Variants in TRIM37 observed in about 807,000 individuals in gnomAD.
TRIM37 encodes E3 ubiquitin-protein ligase TRIM37.
A neutral mutation model predicts 129.8 loss-of-function variants in TRIM37; 80 were observed. The observed-to-expected ratio is 0.62, with a 90% CI of 0.51 to 0.74. TRIM37 has a LOEUF of 0.74. Among genes scored for constraint, TRIM37 ranks in the 30% least tolerant of loss-of-function variants. The probability of loss-of-function intolerance (pLI) is 0.00; values close to 1 mark genes in which losing one functional copy is unlikely to be tolerated. For missense variants in TRIM37, 1,054 were observed against 1,176.5 expected, an observed-to-expected ratio of 0.90 and a Z score of 1.52; for synonymous variants, 389 against 387.1, an observed-to-expected ratio of 1.00 and a Z score of -0.06.
intron 19 of TRIM37, among the ~76,000 whole-genome samples, chr17:59,025,244 A>G (rs943287892): frequency 1.3e-5 from 2 of 152,154 alleles, no homozygotes; most frequent in Non-Finnish European, 2.9e-5. Context: ...TTAACTTTAT[A>G]TGAATTAATG....
chr17:58,982,923 T>TAAGAAAAC, intron 24 of TRIM37: 1 of 1,576,860 alleles, frequency 6.3e-7, no homozygotes, highest in South Asian at 1.2e-5. Flanking sequence ...TCAAATTATC[T>TAAGAAAAC]AAGAAAACAA....
intron 14 of TRIM37, among the ~76,000 whole-genome samples, chr17:59,049,749 C>T (rs1381764018): frequency 2.0e-5 from 3 of 152,106 alleles, no homozygotes; most frequent in African/African-American, 4.8e-5. Flanking sequence ...CCTCTGGCCT[C>T]GGCCTCCCAA....
intron 16 of TRIM37, among the ~76,000 whole-genome samples, chr17:59,042,446 AAAAATATATATAT>A (rs1568066195): frequency 3.4e-4 from 15 of 44,744 alleles, no homozygotes; most frequent in Non-Finnish European, 4.3e-4. Context: ...AAAAAAAAAA[AAAAATATATATAT>A]ATATATATAT....
intron 24 of TRIM37, chr17:58,984,427 TG>T (rs1369913852): frequency 2.6e-5 from 4 of 152,800 alleles, no homozygotes; most frequent in African/African-American, 9.6e-5. Flanking sequence ...GATAAGGCTT[TG>T]TGGGAAAATG....
At chr17:59,098,618 T>C (rs1044556714) in intron 2 of TRIM37, among the ~76,000 whole-genome samples, 3 of 151,164 alleles carry the variant, frequency 2.0e-5, no homozygotes, top group Admixed American at 6.6e-5. Flanking sequence ...TGAGCCATGA[T>C]TGTGTCACTG....
the TRIM37 span, chr17:58,969,453 G>A: frequency 4.6e-6 from 6 of 1,290,478 alleles, no homozygotes; most frequent in Non-Finnish European, 6.8e-6. Flanking sequence ...GAGGAGAAAG[G>A]ATGGGCAACA....
At chr17:59,081,633 G>A (rs956679965) in intron 5 of TRIM37, among the ~76,000 whole-genome samples, 3 of 151,924 alleles carry the variant, frequency 2.0e-5, no homozygotes, top group Non-Finnish European at 4.4e-5. Flanking sequence ...ATTAGCCAGG[G>A]GTGGTGGCTC....
chr17:58,967,218 TA>T, the TRIM37 span, among the ~76,000 whole-genome samples: 1 of 152,346 alleles, frequency 6.6e-6, no homozygotes, highest in Non-Finnish European at 1.5e-5. Flanking sequence ...ATTTCACTTT[TA>T]ATTCTTTATT....
At chr17:59,106,373 A>C (rs1211981301) in intron 1 of TRIM37, 68 bp downstream of exon 1, 8 of 1,599,186 alleles carry the variant, frequency 5.0e-6, no homozygotes, top group Non-Finnish European at 6.8e-6. Context: ...CATGGGCACG[A>C]CTCCCCGAAT....
chr17:59,082,095 C>T (rs1212008991), intron 5 of TRIM37, among the ~76,000 whole-genome samples: 2 of 151,074 alleles, frequency 1.3e-5, no homozygotes, highest in Non-Finnish European at 3.0e-5. Flanking sequence ...CATGGTGAAA[C>T]CCCATCTCTA....
chr17:59,075,862 A>C, intron 7 of TRIM37, 148 bp from the exon 8 acceptor site: 1 of 666,638 alleles, frequency 1.5e-6, no homozygotes, highest in South Asian at 1.7e-5. Flanking sequence ...TTCTCATTCA[A>C]CTTTAAGAGG....
chr17:59,062,678 A>G lies in TRIM37; in HGVS notation c.861-30T>C, dbSNP rs1199953299. On this transcript the variant is annotated intron_variant, in intron 10 of 23. Transcript: ENST00000262294. ...CGAAAAAGAAAACCAACCAAATCCC[A>G]AGATCAAAACTGTTGTGAAATGGCA... is the stretch of plus-strand genomic sequence containing the variant. 30 of 1,593,098 alleles carry G rather than the reference A, an allele frequency of 1.9e-5. No homozygotes were observed. The East Asian group carries it at 6.4e-4, about 34-fold the overall frequency.
downstream of TRIM37, chr17:58,980,038 G>C: frequency 6.2e-7 from 1 of 1,614,118 alleles, no homozygotes; most frequent in East Asian, 2.2e-5. The surrounding 1 kb of genome is among the most constrained non-coding windows in gnomAD (Gnocchi z 4.7). Context: ...TTCTGGATGG[G>C]ACCGAAGACT....
At chr17:59,001,021 C>T (rs949421200) in intron 23 of TRIM37, among the ~76,000 whole-genome samples, 2 of 151,868 alleles carry the variant, frequency 1.3e-5, no homozygotes, top group Non-Finnish European at 2.9e-5. Flanking sequence ...GGTGAAACTC[C>T]ATCTCTACTA....
chr17:59,088,837 A>G (rs1022142554), intron 3 of TRIM37, among the ~76,000 whole-genome samples: 1 of 151,670 alleles, frequency 6.6e-6, no homozygotes, highest in Non-Finnish European at 1.5e-5. Context: ...AATAAAAAAT[A>G]AAAAAAAAGA....
chr17:59,036,447 G>GGGGT (rs1555656622), intron 17 of TRIM37, among the ~76,000 whole-genome samples: 287 of 140,674 alleles, frequency 2.0e-3, no homozygotes, highest in African/African-American at 2.9e-3. Flanking sequence ...ATTTGCTGGG[G>GGGGT]GTGTGTGTGT....
intron 7 of TRIM37, among the ~76,000 whole-genome samples, chr17:59,077,121 G>A (rs753227081): frequency 6.6e-6 from 1 of 151,618 alleles, no homozygotes; most frequent in South Asian, 2.1e-4. Flanking sequence ...TTGAGACAGG[G>A]TCTCATTCTG....
At chr17:59,012,750 G>A (rs1487874383) in intron 21 of TRIM37, among the ~76,000 whole-genome samples, 2 of 151,890 alleles carry the variant, frequency 1.3e-5, no homozygotes, top group African/African-American at 4.8e-5. Flanking sequence ...GGTGGTGGGC[G>A]CCTGTAATCC....
chr17:58,994,212 C>T (rs2032744605), downstream of TRIM37, among the ~76,000 whole-genome samples: 1 of 151,876 alleles, frequency 6.6e-6, no homozygotes, highest in Admixed American at 6.6e-5. Context: ...GTCATAGTGA[C>T]ACACACACAC....
Sources: gnomAD v4.1 joint callset for allele counts (sites outside exome capture counted in the v4.1 genomes callset) on GRCh38, gnomAD v4.1.1 for gene constraint, Gnocchi (gnomAD v3.1) non-coding constraint, MANE v1.5 for transcripts, NCBI Gene and HGNC (gene_info 2026-07-23, HGNC 2026-07-21) for gene names.